The following XDH variants were observed in gnomAD, a reference collection of about 807,000 sequenced individuals.
XDH encodes xanthine dehydrogenase/oxidase.
In XDH, 138 loss-of-function variants were observed where a neutral mutation model predicts 156.1. The observed-to-expected ratio is 0.88, with a 90% CI of 0.77 to 1.02. The LOEUF is 1.02. XDH is among the 50% of genes least tolerant of loss of function. The pLI, the probability that XDH is intolerant of heterozygous loss-of-function variation, is 0.00. For synonymous variants in XDH, 669 were observed against 625.7 expected, an observed-to-expected ratio of 1.07 and a Z score of -1.03; for missense variants, 1,849 against 1,684.9, an observed-to-expected ratio of 1.10 and a Z score of -1.71.
At chr2:31,372,754 G>A (rs897820559) in intron 16 of XDH, among the ~76,000 whole-genome samples, 2 of 152,030 alleles carry the variant, frequency 1.3e-5, no homozygotes, top group East Asian at 1.9e-4. Context: ...AAAACGTGAC[G>A]CAAAACATTT....
rs923717415 is a variant in XDH at position 31,365,983 on chromosome 2, C to A, written c.2449G>T (p.Ala817Ser). The change falls in exon 22 of 36, where the codon GCA becomes TCA. Residue 817 changes from alanine to serine, a missense_variant. Coordinates refer to ENST00000379416, the MANE Select transcript of XDH (RefSeq NM_000379.4). ...TVVSTAVALA[A>S]YKTGRPVRCM... ...ACAGGCTTTGGAACTCACTTATATG[C>A]AGCCAGGGCCACTGCCGTGGACACC... 1 of 1,614,092 alleles carries A rather than the reference C, an allele frequency of 6.2e-7. No homozygotes were observed. The highest frequency in any genetic ancestry group is 1.1e-5 in the South Asian group (1 of 91,090).
chr2:31,335,718 G>T lies in XDH; in HGVS notation c.*240C>A. 5.0e-6 allele frequency: 3 copies of T among 605,890 alleles called. No individual in the cohort carries two copies. The highest frequency in any genetic ancestry group is 1.9e-5 in the South Asian group (1 of 51,452). 37.5% of individuals were successfully genotyped at this position (605,890 alleles called of 1,614,324 possible). Reference sequence around the variant, plus strand: ...TACATGATTAAAACAGACAGAAAATGATCCTAATTGCATATTCACCATTTA... The same window carrying T: ...TACATGATTAAAACAGACAGAAAATTATCCTAATTGCATATTCACCATTTA... On this transcript the variant is annotated 3_prime_UTR_variant, in exon 36 of 36. Coordinates refer to ENST00000379416, the MANE Select transcript of XDH (RefSeq NM_000379.4).
chr2:31,396,013 G>A (rs1266664075), intron 6 of XDH, among the ~76,000 whole-genome samples: 1 of 152,190 alleles, frequency 6.6e-6, no homozygotes, highest in East Asian at 1.9e-4. Flanking sequence ...ACGCTTTCTA[G>A]TGTGTGCTGT....
intron 13 of XDH, among the ~76,000 whole-genome samples, chr2:31,377,648 T>G (rs1013590221): frequency 1.3e-5 from 2 of 152,082 alleles, no homozygotes; most frequent in African/African-American, 4.8e-5. Flanking sequence ...CTGAGGCTGT[T>G]TGGCCTTTGG....
intron 29 of XDH, among the ~76,000 whole-genome samples, chr2:31,347,155 C>A (rs1282890270): frequency 6.6e-6 from 1 of 152,118 alleles, no homozygotes; most frequent in East Asian, 1.9e-4. Flanking sequence ...TTGATTATAT[C>A]CCCCATATGG....
intron 9 of XDH, among the ~76,000 whole-genome samples, chr2:31,385,917 A>G (rs1311979802): frequency 6.6e-6 from 1 of 152,174 alleles, no homozygotes; most frequent in Non-Finnish European, 1.5e-5. Flanking sequence ...TCCATCAGCC[A>G]CTGGCCTAGA....
chr2:31,336,029 T>G, intron 35 of XDH, 21 bp from the exon 36 acceptor site: 1 of 1,613,672 alleles, frequency 6.2e-7, no homozygotes, highest in Non-Finnish European at 8.5e-7. Flanking sequence ...ATGATAGTGT[T>G]CTCATTGCCA....
At chr2:31,350,654 A>G (rs45583538) in intron 24 of XDH, among the ~76,000 whole-genome samples, 5,435 of 152,234 alleles carry the variant, frequency 0.036, 318 homozygotes, top group African/African-American at 0.12. Context: ...GATTACAGGC[A>G]TGAGCCCAGC....
At chr2:31,364,453 T>C (rs538463846) in intron 23 of XDH, among the ~76,000 whole-genome samples, 40 of 151,802 alleles carry the variant, frequency 2.6e-4, no homozygotes, top group Admixed American at 9.2e-4. Context: ...GGCACACACT[T>C]GGCTCCCCAC....
chr2:31,397,594 T>C, intron 6 of XDH, 74 bp downstream of exon 6: 1 of 1,581,400 alleles, frequency 6.3e-7, no homozygotes, highest in Non-Finnish European at 8.7e-7. Flanking sequence ...GCCCTTGGTC[T>C]CCCTCCCCAC....
rs1266559049 is a variant in XDH, at chr2:31,396,914, G to C, written c.495+754C>G. Reference sequence around the variant, plus strand: ...CAGACACAGCACTCTTTTTCATGATGCTCCAACCCTAAAGGTGAGTGGAAA... The same window carrying C: ...CAGACACAGCACTCTTTTTCATGATCCTCCAACCCTAAAGGTGAGTGGAAA... On this transcript the variant is annotated intron_variant, in intron 6 of 35. Transcript: ENST00000379416. Among the ~76,000 whole-genome samples the C allele has an allele frequency of 4.6e-5, 7 of 152,206 alleles. No homozygotes were observed. The East Asian group carries it at 1.4e-3, about 29-fold the overall frequency.
At chr2:31,349,979 C>T in intron 25 of XDH, 53 bp downstream of exon 25, 4 of 1,612,270 alleles carry the variant, frequency 2.5e-6, no homozygotes, top group East Asian at 4.5e-5. Context: ...AAGCCGCTGT[C>T]CCCCGAAGTA....
chr2:31,350,402 G>C (rs1274697175), intron 24 of XDH, among the ~76,000 whole-genome samples, 179 bp from the exon 25 acceptor site: 1 of 124,666 alleles, frequency 8.0e-6, no homozygotes, highest in Non-Finnish European at 1.6e-5. Flanking sequence ...TTTTGAGATG[G>C]AGTCTCGCTC....
intron 2 of XDH, among the ~76,000 whole-genome samples, chr2:31,405,602 G>C (rs980219416): frequency 5.3e-5 from 8 of 152,158 alleles, no homozygotes; most frequent in Non-Finnish European, 8.8e-5. Flanking sequence ...TCCCACAGAG[G>C]AATGACCATG....
At chr2:31,363,404 C>T (rs1029313869) in intron 24 of XDH, among the ~76,000 whole-genome samples, 2 of 152,130 alleles carry the variant, frequency 1.3e-5, no homozygotes, top group African/African-American at 4.8e-5. Context: ...GTGTATGGTT[C>T]TATAAAATGA....
intron 14 of XDH, 21 bp from the exon 15 acceptor site, chr2:31,375,575 G>T (rs1558694701): frequency 1.2e-6 from 2 of 1,611,196 alleles, no homozygotes; most frequent in Non-Finnish European, 1.7e-6. Context: ...GCAGGGCGTG[G>T]GACAGCGCTC....
chr2:31,408,454 G>A (rs1687251744), intron 1 of XDH, among the ~76,000 whole-genome samples: 1 of 152,210 alleles, frequency 6.6e-6, no homozygotes, highest in South Asian at 2.1e-4. Context: ...AGGGAAGTGA[G>A]TTAAGGAAAT....
chr2:31,364,326 C>T, intron 23 of XDH, 82 bp from the exon 24 acceptor site: 3 of 1,342,690 alleles, frequency 2.2e-6, no homozygotes, highest in Non-Finnish European at 3.2e-6. Context: ...CTCCCTCCCA[C>T]TTATGTCACC....
Position 31,403,103 on chromosome 2 carries a change from A to G in XDH, c.142T>C (p.Cys48Arg). ...GAGAGCATCACTGTGCAAGCCCCGCAGCCCCCCTCTCCACAGCCGAGCTTG... is the reference window on the plus strand; with the variant it reads ...GAGAGCATCACTGTGCAAGCCCCGCGGCCCCCCTCTCCACAGCCGAGCTTG... ...GTKLGCGEGGCGACTVMLSKY... is the reference protein window; with the variant it reads ...GTKLGCGEGGRGACTVMLSKY... Residue 48 changes from cysteine to arginine, a missense_variant, in exon 3 of 36, where the codon TGC becomes CGC. Physicochemically the swap from Cys to Arg is radical, Grantham distance 180. Transcript: ENST00000379416. 2.5e-6 allele frequency: 4 copies of G among 1,614,200 alleles called. No homozygotes were observed. The highest frequency in any genetic ancestry group is 3.4e-6 in the Non-Finnish European group (4 of 1,180,036).
Sources: allele counts gnomAD v4.1 joint callset (sites outside exome capture counted in the v4.1 genomes callset), GRCh38; gene constraint gnomAD v4.1.1; transcripts MANE v1.5; gene names NCBI Gene and HGNC (gene_info 2026-07-23, HGNC 2026-07-21).